Variants in NBAS observed in about 807,000 individuals in gnomAD.
NBAS encodes the protein NBAS subunit of NRZ tethering complex.
NBAS carries 219 observed loss-of-function variants against 302.5 expected under a neutral mutation model. The ratio of observed to expected loss-of-function variants is 0.72; its 90% confidence interval spans 0.65 to 0.81. NBAS has a LOEUF of 0.81. Ranked by LOEUF, NBAS falls within the 30% of genes least tolerant of loss-of-function variation. NBAS has a pLI of 0.00. For synonymous variants in NBAS, 1,118 were observed against 1,021.6 expected (o/e 1.09, Z -1.80); for missense variants, 2,932 against 2,841.6 (o/e 1.03, Z -0.72).
the NBAS span, among the ~76,000 whole-genome samples, chr2:14,912,283 A>G: frequency 6.6e-4 from 100 of 152,222 alleles, no homozygotes; most frequent in Non-Finnish European, 1.2e-3. Context: ...GTGCCTGTCC[A>G]TAGTATTTTT....
chr2:15,487,037 T>G (rs1337595286), intron 12 of NBAS, among the ~76,000 whole-genome samples: 1 of 152,204 alleles, frequency 6.6e-6, no homozygotes, highest in Non-Finnish European at 1.5e-5. Flanking sequence ...TATGAAATAT[T>G]AAGAGTGCTT....
chr2:15,201,338 T>G (rs564346942), intron 48 of NBAS, among the ~76,000 whole-genome samples: 2 of 152,276 alleles, frequency 1.3e-5, no homozygotes, highest in East Asian at 3.9e-4. Context: ...GGTGACAGAG[T>G]TAACCTCTAG....
At chr2:15,374,774 A>G (rs909914584) in intron 30 of NBAS, 54 bp from the exon 31 acceptor site, 128 of 1,389,070 alleles carry the variant, frequency 9.2e-5, no homozygotes, top group Non-Finnish European at 1.2e-4. Context: ...TCACCTTTCT[A>G]TACTCAACAC....
intron 11 of NBAS, among the ~76,000 whole-genome samples, chr2:15,503,179 A>G (rs1197375474): frequency 1.3e-5 from 2 of 152,164 alleles, no homozygotes; most frequent in Non-Finnish European, 2.9e-5. Flanking sequence ...CATGTTAAGA[A>G]TGCCTTTCCG....
chr2:15,197,342 A>T (rs2125154917), intron 48 of NBAS, among the ~76,000 whole-genome samples: 1 of 152,270 alleles, frequency 6.6e-6, no homozygotes. Flanking sequence ...ACCCCTTGCC[A>T]CTTATTACAA....
At chr2:15,456,394 C>T (rs969751633) in intron 21 of NBAS, among the ~76,000 whole-genome samples, 1 of 152,190 alleles carries the variant, frequency 6.6e-6, no homozygotes, top group Non-Finnish European at 1.5e-5. Context: ...TTTAATATAG[C>T]TTGAACTCTA....
the NBAS span, among the ~76,000 whole-genome samples, chr2:14,925,034 G>A: frequency 5.9e-5 from 9 of 152,254 alleles, no homozygotes; most frequent in South Asian, 8.3e-4. Context: ...TAAGGTAAGC[G>A]AATTTCGATA....
the NBAS span, among the ~76,000 whole-genome samples, chr2:14,796,421 T>C: frequency 6.6e-6 from 1 of 152,222 alleles, no homozygotes; most frequent in East Asian, 1.9e-4. Flanking sequence ...ACTCTATAGA[T>C]TTGAGAAACA....
At chr2:15,369,471 T>G (rs953175959) in intron 31 of NBAS, among the ~76,000 whole-genome samples, 18 of 152,324 alleles carry the variant, frequency 1.2e-4, no homozygotes, top group African/African-American at 3.6e-4. Context: ...AGAGCAGAAG[T>G]CTAATAGACT....
At chr2:15,327,593 T>C (rs1412944749) in intron 38 of NBAS, among the ~76,000 whole-genome samples, 157 bp downstream of exon 38, 1 of 152,158 alleles carries the variant, frequency 6.6e-6, no homozygotes, top group African/African-American at 2.4e-5. Context: ...TAAACAAAAT[T>C]AATAAATGGA....
At chr2:14,829,832 T>G in the NBAS span, among the ~76,000 whole-genome samples, 1 of 152,260 alleles carries the variant, frequency 6.6e-6, no homozygotes, top group Admixed American at 6.5e-5. Flanking sequence ...CGCATTCATT[T>G]TTAGGAAACT....
chr2:15,519,766 T>C (rs546579297), intron 9 of NBAS, among the ~76,000 whole-genome samples: 1 of 152,234 alleles, frequency 6.6e-6, no homozygotes, highest in South Asian at 2.1e-4. Context: ...TTTCTAACCA[T>C]TTCCCCAGTT....
chr2:15,019,606 T>G, the NBAS span, among the ~76,000 whole-genome samples: 1 of 152,198 alleles, frequency 6.6e-6, no homozygotes, highest in African/African-American at 2.4e-5. Context: ...TTTCACTGCA[T>G]GACTATCTGT....
intron 12 of NBAS, among the ~76,000 whole-genome samples, chr2:15,481,584 C>G (rs926138762): frequency 1.3e-5 from 2 of 151,760 alleles, no homozygotes; most frequent in Non-Finnish European, 2.9e-5. Context: ...GCTCAGAACA[C>G]AATACCCCAA....
intron 21 of NBAS, 33 bp downstream of exon 21, chr2:15,461,168 A>G: frequency 6.3e-7 from 1 of 1,596,380 alleles, no homozygotes; most frequent in Non-Finnish European, 8.6e-7. Flanking sequence ...AATATAAAAA[A>G]GAAGGTAAAA....
chr2:15,106,796 G>A, the NBAS span, among the ~76,000 whole-genome samples: 12 of 152,014 alleles, frequency 7.9e-5, no homozygotes, highest in Non-Finnish European at 1.6e-4. Flanking sequence ...GGAGGGGTGG[G>A]CTAGTGATAG....
chr2:15,551,454 T>C, intron 6 of NBAS, 39 bp downstream of exon 6: 2 of 1,426,928 alleles, frequency 1.4e-6, no homozygotes, highest in Non-Finnish European at 2.0e-6. Flanking sequence ...CATTGCGCAT[T>C]TGAAATTTTC....
intron 51 of NBAS, chr2:15,178,096 G>A: frequency 2.1e-6 from 1 of 468,354 alleles, no homozygotes; most frequent in African/African-American, 2.0e-5. Context: ...TCACTGTCTT[G>A]AGTAGCAAGC....
chr2:15,552,802 T>C (rs1247583901), intron 5 of NBAS, among the ~76,000 whole-genome samples: 1 of 151,604 alleles, frequency 6.6e-6, no homozygotes, highest in African/African-American at 2.4e-5. Context: ...TATTTTTTTT[T>C]TTTTTTTTTG....
Sources: allele counts gnomAD v4.1 joint callset (sites outside exome capture counted in the v4.1 genomes callset), GRCh38; gene constraint gnomAD v4.1.1; transcripts MANE v1.5; gene names NCBI Gene and HGNC (gene_info 2026-07-23, HGNC 2026-07-21).